SPOCD1: variants seen among roughly 807,000 people sequenced by gnomAD.
The protein encoded by SPOCD1 is SPOC domain-containing protein 1.
In SPOCD1, 64 loss-of-function variants were observed where a neutral mutation model predicts 92.2. That is an observed-to-expected ratio of 0.69 (90% CI 0.57 to 0.86). SPOCD1 has a LOEUF of 0.86. SPOCD1 is among the 40% of genes least tolerant of loss of function. The pLI, the probability that SPOCD1 is intolerant of heterozygous loss-of-function variation, is 0.00. For synonymous variants in SPOCD1, 578 were observed against 619.3 expected (o/e 0.93, Z 0.99); for missense variants, 1,360 against 1,543.1 (o/e 0.88, Z 1.99).
Position 31,796,700 on chromosome 1 carries a change from C to T in SPOCD1, c.2161G>A (p.Glu721Lys), listed in dbSNP as rs754757581. 2.5e-6 allele frequency: 4 copies of T among 1,614,104 alleles called. No homozygotes were observed. Among genetic ancestry groups the T allele is most frequent in the African/African-American group, 1.3e-5 (1 of 74,934 alleles). The change falls in exon 10 of 16, where the codon GAG (glutamate) becomes AAG (lysine). Residue 721 changes from glutamate to lysine, a missense_variant. By Grantham distance (56) the Glu-to-Lys change is moderately conservative. Coordinates refer to ENST00000360482, the MANE Select transcript of SPOCD1 (RefSeq NM_144569.7). ...QEEKRGLNII[E>K]QQQKEPCRLP... ...CTGCACGGCTCCTTCTGTTGCTGCT[C>T]AATGATATTCAGGCCCTGAAGAGGT... is the stretch of plus-strand genomic sequence containing the variant.
At chr1:31,800,646 A>G in intron 3 of SPOCD1, 29 bp from the exon 4 acceptor site, 1 of 1,558,464 alleles carries the variant, frequency 6.4e-7, no homozygotes, top group Non-Finnish European at 8.7e-7. Flanking sequence ...TTCAGAAGCA[A>G]GCGGGGCCAG....
chr1:31,796,743 GC>G, intron 9 of SPOCD1, 28 bp from the exon 10 acceptor site: 2 of 1,613,908 alleles, frequency 1.2e-6, no homozygotes, highest in Non-Finnish European at 1.7e-6. Context: ...GCCAAGCTGA[GC>G]CCAGTTAGGG....
At chr1:31,794,301 G>T in intron 10 of SPOCD1, 66 bp from the exon 11 acceptor site, 1 of 1,213,654 alleles carries the variant, frequency 8.2e-7, no homozygotes, top group Non-Finnish European at 1.2e-6. Context: ...GCCTCCATGG[G>T]TAGGGGGCCC....
rs750215819 is a variant in SPOCD1 at position 31,791,145 on chromosome 1, C to T, written c.3109G>A (p.Val1037Ile). The change falls in exon 16 of 16, where the codon GTC becomes ATC. Residue 1037 changes from valine to isoleucine, a missense_variant. Physicochemically the swap from Val to Ile is conservative, Grantham distance 29 (BLOSUM62 3). This residue lies in a region of SPOCD1 where 614 missense variants were observed against 757.8 expected (regional missense o/e 0.81). Transcript: ENST00000360482. Reference sequence around the variant, plus strand: ...TTCTCCACCTTACTGTTGAAGGAGACCATCTTTTGAACCTTCCCCAACCAG... The same window carrying T: ...TTCTCCACCTTACTGTTGAAGGAGATCATCTTTTGAACCTTCCCCAACCAG... Reference protein sequence around the residue: ...SPWLGKVQKMVSFNSKVEKRY... With the variant: ...SPWLGKVQKMISFNSKVEKRY... The T allele has an allele frequency of 3.7e-6, 6 of 1,613,116 alleles. No individual in the cohort carries two copies. Among genetic ancestry groups the T allele is most frequent in the Non-Finnish European group, 2.5e-6 (3 of 1,179,778 alleles).
chr1:31,799,942 A>T (rs1364620197), intron 5 of SPOCD1, 74 bp downstream of exon 5: 1 of 1,611,870 alleles, frequency 6.2e-7, no homozygotes, highest in East Asian at 2.2e-5. Context: ...TCCTCTAGTC[A>T]CCTCCCCACT....
At chr1:31,793,451 G>A in intron 12 of SPOCD1, 23 bp from the exon 13 acceptor site, 1 of 1,574,916 alleles carries the variant, frequency 6.3e-7, no homozygotes, top group Non-Finnish European at 8.6e-7. Context: ...ACAGAAGACA[G>A]GGCCAGACAG....
rs1213504724 is a variant in SPOCD1 at position 31,798,928 on chromosome 1, G to A, written c.1869-327C>T. ...TCTCTGGCTCACGGGATGTGTGGAG[G>A]GGAGGAAGCCGGGGTCAGGTCAGAG... On this transcript the variant is annotated intron_variant, in intron 7 of 15. Transcript: ENST00000360482. This position sits in a 1 kb window ranked among gnomAD's most constrained non-coding sequence, Gnocchi z 4.1. 5 of 559,536 alleles carry A rather than the reference G, an allele frequency of 8.9e-6. No individual in the cohort carries two copies. The highest frequency in any genetic ancestry group is 3.8e-5 in the African/African-American group (2 of 52,782). The allele number at this position is 559,536 out of a possible 1,614,324, so 34.7% of individuals were successfully genotyped here.
At position 31,814,296 on chromosome 1, in the gene SPOCD1, G is replaced by A. The variant is rs772818564; in HGVS notation, c.1038C>T (p.Val346=). The change falls in exon 2 of 16, where the codon GTC becomes GTT. Residue 346 remains valine, a synonymous_variant. Transcript: ENST00000360482. The surrounding 1 kb of genome is among the most constrained non-coding windows in gnomAD (Gnocchi z 4.2). ...ASAEQQEAVC[V]VRTGSDEGQA... Reference sequence around the variant, plus strand: ...GGCCTTCATCGCTGCCAGTCCGCACGACACACACAGCTTCTTGCTGCTCTG... The same window carrying A: ...GGCCTTCATCGCTGCCAGTCCGCACAACACACACAGCTTCTTGCTGCTCTG... 24 of 1,575,876 alleles carry A rather than the reference G, an allele frequency of 1.5e-5. No individual in the cohort carries two copies. Among genetic ancestry groups the A allele is most frequent in the Middle Eastern group, 1.7e-4 (1 of 5,928 alleles).
At chr1:31,792,588 TATCCAA>T in intron 14 of SPOCD1, 84 bp downstream of exon 14, 2 of 1,233,024 alleles carry the variant, frequency 1.6e-6, no homozygotes, top group Non-Finnish European at 2.3e-6. Flanking sequence ...TAGACCCAGA[TATCCAA>T]GCCAGGCCTC....
chr1:31,799,541 G>A, intron 6 of SPOCD1, 56 bp from the exon 7 acceptor site: 1 of 1,474,258 alleles, frequency 6.8e-7, no homozygotes, highest in Non-Finnish European at 9.4e-7. Flanking sequence ...AGGGGAGGGG[G>A]CTGACTCAAG....
chr1:31,803,288 A>G (rs1026539216), intron 2 of SPOCD1, among the ~76,000 whole-genome samples: 1 of 152,230 alleles, frequency 6.6e-6, no homozygotes, highest in Non-Finnish European at 1.5e-5. Context: ...TTTGATCGGG[A>G]ACCAAACACG....
In SPOCD1 at chr1:31,792,823, G is replaced by T. The variant is rs931546197; in HGVS notation, c.2686-56C>A. On this transcript the variant is annotated intron_variant, in intron 13 of 15. Coordinates refer to ENST00000360482, the MANE Select transcript of SPOCD1 (RefSeq NM_144569.7). ...CCCAGCTTCCCACCCACTCAGGGTG[G>T]ACGCATTCCCAGCCACCTGGAAGGC... 1.9e-5 allele frequency: 26 copies of T among 1,388,648 alleles called. No individual in the cohort carries two copies. The African/African-American group carries it at 3.4e-4, about 18-fold the overall frequency. The allele number at this position is 1,388,648 out of a possible 1,614,324, so 86.0% of individuals were successfully genotyped here. A position where few individuals can be genotyped will look rare whatever the true frequency, so the allele number is the denominator to read the frequency against.
chr1:31,807,723 G>A (rs1648929328), intron 2 of SPOCD1, among the ~76,000 whole-genome samples: 1 of 151,718 alleles, frequency 6.6e-6, no homozygotes, highest in African/African-American at 2.4e-5. Context: ...ACCAAAAATC[G>A]GTTCTTTGAA....
In SPOCD1 at chr1:31,798,839, T is replaced by G. The variant is rs1344515509; in HGVS notation, c.1869-238A>C. The G allele has an allele frequency of 1.7e-6, 1 of 582,066 alleles. No homozygotes were observed. Among genetic ancestry groups the G allele is most frequent in the Non-Finnish European group, 3.0e-6 (1 of 329,126 alleles). 36.1% of individuals were successfully genotyped at this position (582,066 alleles called of 1,614,324 possible). On this transcript the variant is annotated intron_variant, in intron 7 of 15. Transcript: ENST00000360482. The surrounding 1 kb of genome is among the most constrained non-coding windows in gnomAD (Gnocchi z 4.1). The stretch of plus-strand genomic sequence containing the variant: ...GGAAAATAAGAGGCTTACTCACAAC[T>G]GTGTAATTAGTGGCAAAAGCAAGAT...
intron 7 of SPOCD1, among the ~76,000 whole-genome samples, chr1:31,799,120 T>C (rs1293133566): frequency 5.3e-5 from 8 of 152,144 alleles, no homozygotes; most frequent in African/African-American, 1.9e-4. Context: ...GCACACACTC[T>C]ACGTGAAAGC....
At position 31,792,200 on chromosome 1, in the gene SPOCD1, G is replaced by A. The variant is rs1484097777; in HGVS notation, c.2962+15C>T. On this transcript the variant is annotated intron_variant, in intron 15 of 15. Coordinates refer to ENST00000360482, the MANE Select transcript of SPOCD1 (RefSeq NM_144569.7). ...TGAGCAGAGGCAGGGTCTGGTATGG[G>A]GACTAGGCACTCACCTGGGCCCCCC... 3 of 1,588,752 alleles carry A rather than the reference G, an allele frequency of 1.9e-6. No homozygotes were observed. The highest frequency in any genetic ancestry group is 2.7e-5 in the African/African-American group (2 of 74,606).
chr1:31,796,678 C>T lies in SPOCD1; in HGVS notation c.2183G>A (p.Cys728Tyr). ...GGTCATTTTGGAGGCTGGAAGTCTG[C>T]ACGGCTCCTTCTGTTGCTGCTCAAT... is the stretch of plus-strand genomic sequence containing the variant. The part of the protein sequence containing the change: ...NIIEQQQKEP[C>Y]RLPASKMTHK... The change falls in exon 10 of 16, where the codon TGC (cysteine) becomes TAC (tyrosine). Residue 728 changes from cysteine (C) to tyrosine (Y), a missense_variant. Cys to Tyr is a radical substitution (Grantham distance 194). Transcript: ENST00000360482. 1.9e-6 allele frequency: 3 copies of T among 1,614,230 alleles called. No individual in the cohort carries two copies.
Position 31,794,154 on chromosome 1 carries a change from A to G in SPOCD1, c.2353T>C (p.Phe785Leu). The G allele has an allele frequency of 6.2e-7, 1 of 1,613,986 alleles. No individual in the cohort carries two copies. The highest frequency in any genetic ancestry group is 8.5e-7 in the Non-Finnish European group (1 of 1,179,970). Residue 785 changes from phenylalanine to leucine, a missense_variant, in exon 11 of 16, where the codon TTC (phenylalanine) becomes CTC (leucine). By Grantham distance (22) the Phe-to-Leu change is conservative. Around this residue, in one of 3 missense-constraint regions of SPOCD1, gnomAD observed 614 missense variants for 757.8 expected, o/e 0.81. Coordinates refer to ENST00000360482, the MANE Select transcript of SPOCD1 (RefSeq NM_144569.7). ...EDTTGQHDHH[F>L]LDPNCHICKD... is the part of the protein sequence containing the mutation. Reference sequence around the variant, plus strand: ...CAGATGTGGCAGTTGGGGTCTAAGAAGTGGTGGTCATGCTGCCCCGTGGTG... The same window carrying G: ...CAGATGTGGCAGTTGGGGTCTAAGAGGTGGTGGTCATGCTGCCCCGTGGTG...
In SPOCD1 at chr1:31,796,563, C is replaced by T. The variant is rs758090281; in HGVS notation, c.2271+27G>A. On this transcript the variant is annotated intron_variant, in intron 10 of 15. Coordinates refer to ENST00000360482, the MANE Select transcript of SPOCD1 (RefSeq NM_144569.7). ...GGGACCCCCAGGCATGGGCTCTGCC[C>T]AGCACCAGGTCAGGCTCCAACTTAA... The T allele has an allele frequency of 3.1e-6, 5 of 1,614,250 alleles. No homozygotes were observed. The South Asian group carries it at 5.5e-5, about 18-fold the overall frequency.
Sources: allele counts gnomAD v4.1 joint callset (sites outside exome capture counted in the v4.1 genomes callset), GRCh38; gene constraint gnomAD v4.1.1; regional missense constraint gnomAD v4.1.1; non-coding constraint Gnocchi (gnomAD v3.1); transcripts MANE v1.5; gene names NCBI Gene and HGNC (gene_info 2026-07-23, HGNC 2026-07-21).